USH2A: variants seen among roughly 807,000 people sequenced by gnomAD.
USH2A encodes usherin.
In USH2A, 443 loss-of-function variants were observed where a neutral mutation model predicts 538.9. The observed-to-expected ratio is 0.82, with a 90% CI of 0.76 to 0.89. The LOEUF (loss-of-function observed/expected upper bound fraction) is 0.89, where lower values mean the gene tolerates loss of function less well. Among genes scored for constraint, USH2A ranks in the 40% least tolerant of loss-of-function variants. The pLI is 0.00. For missense variants in USH2A, 6,633 were observed against 6,324.8 expected, an observed-to-expected ratio of 1.05 and a Z score of -1.65; for synonymous variants, 2,413 against 2,273.5, an observed-to-expected ratio of 1.06 and a Z score of -1.75.
chr1:215,743,819 C>G, intron 58 of USH2A, among the ~76,000 whole-genome samples: 1 of 102,602 alleles, frequency 9.7e-6, no homozygotes, highest in South Asian at 2.8e-4. Context: ...GACTCCGCCT[C>G]CAAAAAAAAA....
intron 12 of USH2A, among the ~76,000 whole-genome samples, chr1:216,250,309 T>C (rs2036133323): frequency 6.6e-6 from 1 of 152,208 alleles, no homozygotes. Context: ...CAGCTGTTTA[T>C]TATAATCAAC....
At chr1:216,141,954 G>T in intron 21 of USH2A, among the ~76,000 whole-genome samples, 1 of 131,636 alleles carries the variant, frequency 7.6e-6, no homozygotes, top group Non-Finnish European at 1.6e-5. Context: ...ATTAGGAAAT[G>T]AAAAAAAAAA....
At chr1:215,911,006 A>G (rs1665766846) in intron 38 of USH2A, among the ~76,000 whole-genome samples, 1 of 151,956 alleles carries the variant, frequency 6.6e-6, no homozygotes, top group Non-Finnish European at 1.5e-5. Context: ...CAGAGCTTAA[A>G]TTACCCAGCC....
chr1:215,700,142 T>C (rs1658958332), intron 61 of USH2A, among the ~76,000 whole-genome samples: 1 of 152,218 alleles, frequency 6.6e-6, no homozygotes, highest in South Asian at 2.1e-4. Context: ...CAGCCTTGCA[T>C]CCCAGGGATG....
intron 37 of USH2A, among the ~76,000 whole-genome samples, chr1:215,944,981 A>G (rs890698651): frequency 2.0e-5 from 3 of 152,146 alleles, no homozygotes; most frequent in African/African-American, 7.2e-5. Context: ...AGATAAGTGC[A>G]TCAAATAATT....
intron 9 of USH2A, among the ~76,000 whole-genome samples, chr1:216,306,205 T>TA (rs1476942150): frequency 1.3e-5 from 2 of 151,150 alleles, no homozygotes; most frequent in African/African-American, 4.8e-5. Flanking sequence ...CTTGTTCATT[T>TA]AATTTTTTTT....
At chr1:215,630,939 T>C (rs746611363) in intron 70 of USH2A, among the ~76,000 whole-genome samples, 7 of 152,074 alleles carry the variant, frequency 4.6e-5, no homozygotes, top group Non-Finnish European at 8.8e-5. Context: ...AGTATTTGTT[T>C]AGTATTGCAG....
intron 4 of USH2A, among the ~76,000 whole-genome samples, chr1:216,345,481 C>A (rs2038157026): frequency 6.6e-6 from 1 of 152,100 alleles, no homozygotes; most frequent in Non-Finnish European, 1.5e-5. Flanking sequence ...GCCTGGCATG[C>A]CAGCAAAAGG....
chr1:215,812,266 A>C (rs1342356813), intron 49 of USH2A, among the ~76,000 whole-genome samples: 1 of 152,076 alleles, frequency 6.6e-6, no homozygotes, highest in African/African-American at 2.4e-5. Flanking sequence ...GATTACAGGC[A>C]TGAGCCACCG....
intron 9 of USH2A, among the ~76,000 whole-genome samples, chr1:216,305,588 T>C (rs1361374489): frequency 7.2e-6 from 1 of 138,486 alleles, no homozygotes; most frequent in Admixed American, 7.0e-5. Context: ...TTAAATTGTG[T>C]TTTTTTTTTA....
chr1:215,790,081 A>G lies in USH2A; in HGVS notation c.10160T>C (p.Ile3387Thr). Residue 3387 changes from isoleucine (I) to threonine (T), a missense_variant, in exon 51 of 72, where the codon ATT (isoleucine) becomes ACT (threonine). Physicochemically the swap from Ile to Thr is moderately conservative, Grantham distance 89 (BLOSUM62 -1). Coordinates refer to ENST00000307340, the MANE Select transcript of USH2A (RefSeq NM_206933.4). ...NPLKYVCSDKISTGMMMKETK... is the reference protein window; with the variant it reads ...NPLKYVCSDKTSTGMMMKETK... ...TACCTTCATCATCATTCCAGTTGAAATCTTGTCAGAGCAAACATATTTCAA... is the reference window on the plus strand; with the variant it reads ...TACCTTCATCATCATTCCAGTTGAAGTCTTGTCAGAGCAAACATATTTCAA... The G allele has an allele frequency of 1.9e-6, 3 of 1,613,494 alleles. No homozygotes were observed. The highest frequency in any genetic ancestry group is 2.5e-6 in the Non-Finnish European group (3 of 1,179,930).
chr1:215,990,149 A>G (rs925012664), intron 35 of USH2A, among the ~76,000 whole-genome samples: 1 of 152,224 alleles, frequency 6.6e-6, no homozygotes, highest in Non-Finnish European at 1.5e-5. Context: ...ATATATTGCC[A>G]TGTGAGCCTG....
intron 30 of USH2A, among the ~76,000 whole-genome samples, chr1:216,066,384 T>C (rs946130861): frequency 3.3e-5 from 5 of 152,068 alleles, no homozygotes; most frequent in Non-Finnish European, 7.4e-5. Context: ...GAGAATGGCG[T>C]AAACCTGGGA....
At chr1:215,797,727 T>C (rs1247292038) in intron 50 of USH2A, among the ~76,000 whole-genome samples, 1 of 152,202 alleles carries the variant, frequency 6.6e-6, no homozygotes, top group Non-Finnish European at 1.5e-5. Flanking sequence ...TCTTTTAAAA[T>C]ATTAATACTC....
chr1:215,825,018 A>G lies in USH2A; in HGVS notation c.9372-7823T>C, dbSNP rs528849183. 1.3e-4 allele frequency among the ~76,000 whole-genome samples: 20 copies of G among 152,236 alleles called. No homozygotes were observed. In the South Asian group the frequency reaches 3.9e-3, roughly 30 times the overall value. ...TTTGTTTCTGTTTTCTGTGGAGAGG[A>G]GTGAAGCCAGCTTGCTTCTATGTCA... On this transcript the variant is annotated intron_variant, in intron 47 of 71. Coordinates refer to ENST00000307340, the MANE Select transcript of USH2A (RefSeq NM_206933.4).
intron 3 of USH2A, among the ~76,000 whole-genome samples, chr1:216,368,368 A>G (rs1274549541): frequency 6.6e-6 from 1 of 152,204 alleles, no homozygotes; most frequent in Non-Finnish European, 1.5e-5. Flanking sequence ...ATTTTCCACA[A>G]TCACCTGTGC....
chr1:215,819,901 T>G (rs1662965815), intron 47 of USH2A, among the ~76,000 whole-genome samples: 3 of 151,746 alleles, frequency 2.0e-5, no homozygotes, highest in Admixed American at 2.0e-4. Flanking sequence ...GAGAGACAAT[T>G]GAAACTCCTT....
chr1:216,107,484 A>G (rs1411526331), intron 21 of USH2A, among the ~76,000 whole-genome samples: 3 of 151,616 alleles, frequency 2.0e-5, no homozygotes, highest in African/African-American at 7.3e-5. Flanking sequence ...CCATCCTTTT[A>G]CTTTTAAGCT....
At chr1:216,017,324 G>C (rs1668738565) in intron 32 of USH2A, among the ~76,000 whole-genome samples, 1 of 152,064 alleles carries the variant, frequency 6.6e-6, no homozygotes, top group African/African-American at 2.4e-5. Flanking sequence ...TATAGAATTA[G>C]GGAGGCATCA....
Sources: gnomAD v4.1 joint callset for allele counts (sites outside exome capture counted in the v4.1 genomes callset) on GRCh38, gnomAD v4.1.1 for gene constraint, MANE v1.5 for transcripts, NCBI Gene and HGNC (gene_info 2026-07-23, HGNC 2026-07-21) for gene names.